Variants in UNC79 observed in about 807,000 individuals in gnomAD.
UNC79 encodes unc-79 subunit of NALCN channel complex, also known as protein unc-79 homolog.
A neutral mutation model predicts 283.1 loss-of-function variants in UNC79; 37 were observed. The observed-to-expected ratio is 0.13, with a 90% CI of 0.10 to 0.17. The LOEUF is 0.17. UNC79 is among the 10% of genes least tolerant of loss of function. UNC79 has a pLI of 1.00. For missense variants in UNC79, 2,272 were observed against 3,211.1 expected (o/e 0.71, Z 7.07); for synonymous variants, 1,107 against 1,200.2 (o/e 0.92, Z 1.61).
chr14:93,673,673 G>A (rs1379971986), intron 41 of UNC79, among the ~76,000 whole-genome samples: 2 of 152,030 alleles, frequency 1.3e-5, no homozygotes, highest in African/African-American at 4.8e-5. Context: ...TCCTACTGTG[G>A]AATTAGTTCT....
Position 93,467,654 on chromosome 14 carries a change from T to G in UNC79, c.23-17T>G. ...TTTTTTTTTTTTTTTTTTTTTTTTT[T>G]TTTTGCTTTTATCTAGTTGCTTCCA... On this transcript the variant is annotated splice_polypyrimidine_tract_variant and intron_variant, in intron 1 of 48. Transcript: ENST00000555664. 3 of 1,148,448 alleles carry G rather than the reference T, an allele frequency of 2.6e-6. No individual in the cohort carries two copies. The highest frequency in any genetic ancestry group is 3.2e-6 in the Non-Finnish European group (3 of 940,832). 71.1% of individuals were successfully genotyped at this position (1,148,448 alleles called of 1,614,324 possible).
At chr14:93,471,104 A>T (rs563738165) in intron 2 of UNC79, among the ~76,000 whole-genome samples, 36 of 152,142 alleles carry the variant, frequency 2.4e-4, no homozygotes, top group Non-Finnish European at 4.4e-4. Flanking sequence ...ATAAAAATGG[A>T]TTGTAGATGC....
chr14:93,666,707 CAT>C (rs1346503658), intron 40 of UNC79, among the ~76,000 whole-genome samples: 2 of 152,036 alleles, frequency 1.3e-5, no homozygotes, highest in Non-Finnish European at 2.9e-5. Context: ...GCAGATAAAA[CAT>C]ATAGTAGATT....
At chr14:93,373,191 A>G (rs916377333) in intron 1 of UNC79, among the ~76,000 whole-genome samples, 25 of 152,350 alleles carry the variant, frequency 1.6e-4, no homozygotes, top group African/African-American at 5.0e-4. Flanking sequence ...TATAGCATTG[A>G]GTACATATGT....
intron 4 of UNC79, among the ~76,000 whole-genome samples, chr14:93,484,075 C>G (rs879615016): frequency 6.6e-6 from 1 of 152,100 alleles, no homozygotes; most frequent in Non-Finnish European, 1.5e-5. Flanking sequence ...TCAGGGATTT[C>G]TAGTTCTAGA....
At chr14:93,519,473 T>C (rs1424886062) in intron 7 of UNC79, among the ~76,000 whole-genome samples, 1 of 151,830 alleles carries the variant, frequency 6.6e-6, no homozygotes, top group Non-Finnish European at 1.5e-5. Context: ...TATTTCACAA[T>C]CTTTGCCTTT....
At chr14:93,636,095 T>C (rs1356673985) in intron 31 of UNC79, among the ~76,000 whole-genome samples, 1 of 152,218 alleles carries the variant, frequency 6.6e-6, no homozygotes, top group African/African-American at 2.4e-5. Context: ...GACAACCTAC[T>C]TCAATGGGCA....
chr14:93,704,791 G>A, intron 48 of UNC79, 125 bp downstream of exon 51: 1 of 1,249,282 alleles, frequency 8.0e-7, no homozygotes, highest in Non-Finnish European at 1.2e-6. Context: ...TGGCCTTAGA[G>A]GGCTGATAAT....
At chr14:93,417,012 T>C (rs1356057233) in intron 1 of UNC79, among the ~76,000 whole-genome samples, 22 of 152,126 alleles carry the variant, frequency 1.4e-4, no homozygotes, top group Non-Finnish European at 5.9e-5. Flanking sequence ...GAGCATTTAG[T>C]CCATTTACAT....
At chr14:93,492,102 G>A (rs2058755838) in intron 5 of UNC79, among the ~76,000 whole-genome samples, 1 of 152,134 alleles carries the variant, frequency 6.6e-6, no homozygotes, top group African/African-American at 2.4e-5. Flanking sequence ...TATATACAGG[G>A]CTTTGTGCTA....
At chr14:93,558,321 C>A (rs2062303834) in intron 14 of UNC79, among the ~76,000 whole-genome samples, 1 of 152,182 alleles carries the variant, frequency 6.6e-6, no homozygotes, top group African/African-American at 2.4e-5. Flanking sequence ...CTTTGGGAGG[C>A]TGAGGCGGGC....
chr14:93,558,593 A>ATTTTTTTTTTTTTTTTTTTTT (rs71129647), intron 14 of UNC79, among the ~76,000 whole-genome samples: 1 of 62,764 alleles, frequency 1.6e-5, no homozygotes, highest in East Asian at 4.7e-4. Flanking sequence ...AGAAACAGGG[A>ATTTTTTTTTTTTTTTTTTTTT]TTTTTTTTTT....
chr14:93,644,701 C>A (rs141561652), intron 34 of UNC79, among the ~76,000 whole-genome samples: 47 of 152,238 alleles, frequency 3.1e-4, no homozygotes, highest in African/African-American at 8.7e-4. Context: ...AAGAGAATGA[C>A]TCTTAATGTT....
chr14:93,629,383 T>C (rs1239838118), intron 30 of UNC79, among the ~76,000 whole-genome samples: 1 of 152,236 alleles, frequency 6.6e-6, no homozygotes, highest in Non-Finnish European at 1.5e-5. Flanking sequence ...TAATTATGCA[T>C]GTTTTTGATT....
intron 40 of UNC79, among the ~76,000 whole-genome samples, chr14:93,663,158 T>C (rs922942879): frequency 6.6e-6 from 1 of 152,212 alleles, no homozygotes; most frequent in African/African-American, 2.4e-5. Context: ...TCATCATTTG[T>C]CTGTCTCTCC....
intron 47 of UNC79, among the ~76,000 whole-genome samples, chr14:93,699,236 T>C (rs2075363452): frequency 6.6e-6 from 1 of 152,208 alleles, no homozygotes; most frequent in Non-Finnish European, 1.5e-5. Context: ...TTGTTTTCTA[T>C]ATTTCACATC....
At chr14:93,353,993 A>C (rs561475056) in intron 1 of UNC79, among the ~76,000 whole-genome samples, 25 of 152,222 alleles carry the variant, frequency 1.6e-4, no homozygotes, top group Non-Finnish European at 3.1e-4. Context: ...GACCTAACTT[A>C]AACTGGGGGA....
intron 32 of UNC79, among the ~76,000 whole-genome samples, chr14:93,637,775 A>T (rs1566831170): frequency 6.6e-6 from 1 of 152,170 alleles, no homozygotes; most frequent in Admixed American, 6.6e-5. Flanking sequence ...TAATTTTTGG[A>T]CATTGCTTAT....
intron 29 of UNC79, among the ~76,000 whole-genome samples, 164 bp from the exon 31 acceptor site, chr14:93,620,728 G>A (rs1213633380): frequency 6.6e-6 from 1 of 152,216 alleles, no homozygotes; most frequent in East Asian, 1.9e-4. Context: ...AATAGATGGA[G>A]AATTTGATGC....
Sources: allele counts gnomAD v4.1 joint callset (sites outside exome capture counted in the v4.1 genomes callset), GRCh38; gene constraint gnomAD v4.1.1; transcripts MANE v1.5; gene names NCBI Gene and HGNC (gene_info 2026-07-23, HGNC 2026-07-21).